Variants in TTC21A observed in about 807,000 individuals in gnomAD.
The protein encoded by TTC21A is tetratricopeptide repeat protein 21A.
A neutral mutation model predicts 156.4 loss-of-function variants in TTC21A; 128 were observed. That is an observed-to-expected ratio of 0.82 (90% CI 0.71 to 0.95). TTC21A has a LOEUF of 0.95. Ranked by LOEUF, TTC21A falls within the 40% of genes least tolerant of loss-of-function variation. The pLI is 0.00. For missense variants in TTC21A, 1,435 were observed against 1,602.3 expected, an observed-to-expected ratio of 0.90 and a Z score of 1.78; for synonymous variants, 587 against 617.1, an observed-to-expected ratio of 0.95 and a Z score of 0.72.
intron 12 of TTC21A, 22 bp from the exon 13 acceptor site, chr3:39,128,309 G>A: frequency 2.5e-6 from 4 of 1,612,352 alleles, no homozygotes; most frequent in Non-Finnish European, 3.4e-6. Context: ...CCTGCATGTA[G>A]AGGTTTGTGT....
intron 5 of TTC21A, among the ~76,000 whole-genome samples, chr3:39,114,050 G>A (rs549231482): frequency 6.6e-6 from 1 of 152,332 alleles, no homozygotes; most frequent in East Asian, 1.9e-4. Flanking sequence ...CTGGTGGCTG[G>A]TGTTGGCCTG....
chr3:39,134,980 T>A lies in TTC21A; in HGVS notation c.2863-113T>A. The A allele has an allele frequency of 1.1e-6, 1 of 937,444 alleles. No homozygotes were observed. Among genetic ancestry groups the A allele is most frequent in the Non-Finnish European group, 1.7e-6 (1 of 575,968 alleles). The allele number at this position is 937,444 out of a possible 1,614,324, so 58.1% of individuals were successfully genotyped here. On this transcript the variant is annotated intron_variant, in intron 21 of 28. Transcript: ENST00000683103. This position sits in a 1 kb window ranked among gnomAD's most constrained non-coding sequence, Gnocchi z 4.6. ...AGGCCTAGGGAGGCTGCCTTGCAAG[T>A]CCTTTTCTACCTTCCCTTCTTACCA... is the stretch of plus-strand genomic sequence containing the variant.
In TTC21A at chr3:39,109,138, T is replaced by C. The variant is rs754092228; in HGVS notation, c.81T>C (p.Ala27=). The C allele has an allele frequency of 6.2e-7, 1 of 1,614,192 alleles. No homozygotes were observed. The highest frequency in any genetic ancestry group is 1.1e-5 in the South Asian group (1 of 91,092). The change falls in exon 2 of 29, where the codon GCT becomes GCC. Residue 27 remains alanine, a synonymous_variant. Coordinates refer to ENST00000683103, the MANE Select transcript of TTC21A (RefSeq NM_001366900.1). The part of the protein sequence containing the change: ...QEKYFHHVQQ[A]AAVGLEKFSN... ...AGTACTTCCACCATGTGCAGCAGGC[T>C]GCAGCTGTGGGCCTGGAAAAATTCA...
At chr3:39,110,205 A>C in intron 3 of TTC21A, 66 bp downstream of exon 3, 4 of 1,253,706 alleles carry the variant, frequency 3.2e-6, no homozygotes, top group Non-Finnish European at 4.6e-6. Context: ...CCCAGAGATA[A>C]CACAGCCCCT....
chr3:39,117,124 T>G (rs2037360409), intron 6 of TTC21A, among the ~76,000 whole-genome samples: 1 of 152,248 alleles, frequency 6.6e-6, no homozygotes, highest in African/African-American at 2.4e-5. Context: ...GTCTACACAT[T>G]TGGATATGTA....
At chr3:39,110,737 C>A in intron 3 of TTC21A, 114 bp from the exon 4 acceptor site, 1 of 1,100,820 alleles carries the variant, frequency 9.1e-7, no homozygotes, top group Non-Finnish European at 1.3e-6. Context: ...GAAGGAGATC[C>A]ACAGTGTCTG....
At chr3:39,118,294 G>A (rs992352270) in intron 7 of TTC21A, 141 bp downstream of exon 7, 44 of 781,010 alleles carry the variant, frequency 5.6e-5, no homozygotes, top group African/African-American at 3.1e-4. Flanking sequence ...CCCTATACTC[G>A]CTGCCAAGGA....
Position 39,126,333 on chromosome 3 carries a change from G to A in TTC21A, c.1465G>A (p.Ala489Thr). 6.2e-7 allele frequency: 1 copy of A among 1,614,068 alleles called. No homozygotes were observed. Among genetic ancestry groups the A allele is most frequent in the Non-Finnish European group, 8.5e-7 (1 of 1,180,018 alleles). Residue 489 changes from alanine (A) to threonine (T), a missense_variant, in exon 12 of 29, where the codon GCA (alanine) becomes ACA (threonine). By Grantham distance (58) the Ala-to-Thr change is moderately conservative (BLOSUM62 0). Coordinates refer to ENST00000683103, the MANE Select transcript of TTC21A (RefSeq NM_001366900.1). ...CGTGATCTTGAATCCTGTAGTCAAA[G>A]CAGCACCAGCTCTGATCGACCCCCT... ...VAVILNPVVK[A>T]APALIDPLYL...
chr3:39,135,019 AC>A, intron 21 of TTC21A, 73 bp from the exon 22 acceptor site: 9 of 1,258,822 alleles, frequency 7.1e-6, no homozygotes, highest in Admixed American at 1.7e-5. Context: ...TCACCCCCAT[AC>A]CCCCCGCCTC....
In TTC21A at chr3:39,118,132, A is replaced by C. The variant is rs1359410416; in HGVS notation, c.780A>C (p.Ala260=). Residue 260 remains alanine (A), a synonymous_variant, in exon 7 of 29, where the codon GCA becomes GCC. Transcript: ENST00000683103. ...AAATTCTAACCGTGCATGAGCTTGC[A>C]AGAGAAGGAAACATGACCACAGTAA... is the stretch of plus-strand genomic sequence containing the variant. ...ACQILTVHEL[A]REGNMTTATN... 6.2e-7 allele frequency: 1 copy of C among 1,614,216 alleles called. No homozygotes were observed. Among genetic ancestry groups the C allele is most frequent in the South Asian group, 1.1e-5 (1 of 91,088 alleles).
chr3:39,111,125 C>T, intron 4 of TTC21A, 108 bp downstream of exon 4: 2 of 1,259,318 alleles, frequency 1.6e-6, no homozygotes, highest in Non-Finnish European at 2.2e-6. Flanking sequence ...GGGAGAGCCA[C>T]ACCCAGGCAC....
chr3:39,126,249 G>A lies in TTC21A; in HGVS notation c.1393-12G>A, dbSNP rs200067752. On this transcript the variant is annotated splice_polypyrimidine_tract_variant and intron_variant, in intron 11 of 28. Coordinates refer to ENST00000683103, the MANE Select transcript of TTC21A (RefSeq NM_001366900.1). ...CAAACCTACTCCCACCTCCACCGCC[G>A]TGTTCCCACAGCCCAGGTTACCAGG... 1.7e-5 allele frequency: 28 copies of A among 1,613,934 alleles called. No individual in the cohort carries two copies. Among genetic ancestry groups the A allele is most frequent in the African/African-American group, 2.7e-5 (2 of 74,978 alleles).
rs76642909 is a variant in TTC21A at position 39,134,096 on chromosome 3, G to T, written c.2752-122G>T. ...GCCAGGACGTTCACGTGGGGAATTC[G>T]AGACATATTTTGAAGGCAGAGCTGA... On this transcript the variant is annotated intron_variant, in intron 20 of 28. Transcript: ENST00000683103. This position sits in a 1 kb window ranked among gnomAD's most constrained non-coding sequence, Gnocchi z 4.6. The T allele has an allele frequency of 2.4e-5, 17 of 720,250 alleles. No homozygotes were observed. The East Asian group carries it at 3.7e-4, about 16-fold the overall frequency. 44.6% of individuals were successfully genotyped at this position (720,250 alleles called of 1,614,324 possible). A position where few individuals can be genotyped will look rare whatever the true frequency, so the allele number is the denominator to read the frequency against.
chr3:39,129,302 A>T lies in TTC21A; in HGVS notation c.2127A>T (p.Arg709Ser), dbSNP rs369345810. Reference sequence around the variant, plus strand: ...TCAGAGACAGGCGCCTCTACATCAGATGCTACCGGTAAGCCCCACAGGCAG... The same window carrying T: ...TCAGAGACAGGCGCCTCTACATCAGTTGCTACCGGTAAGCCCCACAGGCAG... Reference protein sequence around the residue: ...QTLRDRRLYIRCYRELCEHLP... With the variant: ...QTLRDRRLYISCYRELCEHLP... Residue 709 changes from arginine to serine, a missense_variant, in exon 15 of 29, where the codon AGA becomes AGT. Transcript: ENST00000683103. 21 of 1,613,090 alleles carry T rather than the reference A, an allele frequency of 1.3e-5. No homozygotes were observed. In the African/African-American group the frequency reaches 2.5e-4, roughly 19 times the overall value.
Position 39,134,668 on chromosome 3 carries a change from T to C in TTC21A, c.2862+340T>C. 2.1e-6 allele frequency: 1 copy of C among 474,064 alleles called. No homozygotes were observed. Among genetic ancestry groups the C allele is most frequent in the Non-Finnish European group, 3.9e-6 (1 of 256,530 alleles). The allele number at this position is 474,064 out of a possible 1,614,324, so 29.4% of individuals were successfully genotyped here. ...AGCCCTCCTCGGTCCTGCCTCTCTC[T>C]TCCCTATCATCCAGACCTCCTCTAG... On this transcript the variant is annotated intron_variant, in intron 21 of 28. Coordinates refer to ENST00000683103, the MANE Select transcript of TTC21A (RefSeq NM_001366900.1). This position sits in a 1 kb window ranked among gnomAD's most constrained non-coding sequence, Gnocchi z 4.6.
rs1484959788 is a variant in TTC21A, at chr3:39,134,720, C to A, written c.2863-373C>A. 7 of 470,360 alleles carry A rather than the reference C, an allele frequency of 1.5e-5. No individual in the cohort carries two copies. In the East Asian group the frequency reaches 2.0e-4, roughly 14 times the overall value. The allele number at this position is 470,360 out of a possible 1,614,324, so 29.1% of individuals were successfully genotyped here. The stretch of plus-strand genomic sequence containing the variant: ...GCTGGCCCAGGAGCAGAAGCTGAGC[C>A]CTTGCAGAGCAAGGAGGGGTCCTCA... On this transcript the variant is annotated intron_variant, in intron 21 of 28. Transcript: ENST00000683103. The surrounding 1 kb of genome is among the most constrained non-coding windows in gnomAD (Gnocchi z 4.6).
At chr3:39,107,972 A>G in intron 1 of TTC21A, 108 bp downstream of exon 1, 1 of 1,408,114 alleles carries the variant, frequency 7.1e-7, no homozygotes, top group Non-Finnish European at 9.8e-7. Context: ...CCTCAGTTAT[A>G]TCAGGCGGTC....
chr3:39,113,819 T>C (rs1190861260), intron 5 of TTC21A, among the ~76,000 whole-genome samples: 1 of 152,286 alleles, frequency 6.6e-6, no homozygotes, highest in East Asian at 1.9e-4. Flanking sequence ...GTTTGGATAT[T>C]GGGATTGTTT....
At chr3:39,131,885 T>C (rs1284606473) in intron 19 of TTC21A, among the ~76,000 whole-genome samples, 1 of 152,208 alleles carries the variant, frequency 6.6e-6, no homozygotes, top group African/African-American at 2.4e-5. Context: ...AGGCCCTAAC[T>C]TTCAATACTG....
Sources: allele counts gnomAD v4.1 joint callset (sites outside exome capture counted in the v4.1 genomes callset), GRCh38; gene constraint gnomAD v4.1.1; non-coding constraint Gnocchi (gnomAD v3.1); transcripts MANE v1.5; gene names NCBI Gene and HGNC (gene_info 2026-07-23, HGNC 2026-07-21).